ACRBP: variants seen among roughly 807,000 people sequenced by gnomAD.
ACRBP encodes acrosin-binding protein.
ACRBP carries 52 observed loss-of-function variants against 69.0 expected under a neutral mutation model. The ratio of observed to expected loss-of-function variants is 0.75; its 90% CI spans 0.60 to 0.95. The LOEUF (loss-of-function observed/expected upper bound fraction) is 0.95, where lower values mean the gene tolerates loss of function less well. ACRBP is among the 40% of genes least tolerant of loss of function. The pLI, the probability that ACRBP is intolerant of heterozygous loss-of-function variation, is 0.00. For missense variants in ACRBP, 604 were observed against 673.0 expected (o/e 0.90, Z 1.13); for synonymous variants, 267 against 258.9 (o/e 1.03, Z -0.30).
rs1949031304 is a variant in ACRBP at position 6,638,954 on chromosome 12, C to A, written c.1509G>T (p.Lys503Asn). The A allele has an allele frequency of 6.2e-7, 1 of 1,613,910 alleles. No individual in the cohort carries two copies. Residue 503 changes from lysine (K) to asparagine (N), a missense_variant and splice_region_variant, in exon 9 of 10, where the codon AAG (lysine) becomes AAT (asparagine). Transcript: ENST00000229243. ...GGAGGGGCAGGGCAGGGGTGCTCAC[C>A]TTCCGATTGCGGTTTCTCATCAGAC... Reference protein sequence around the residue: ...QQCLMRNRNRKVSRMRCLQNE... With the variant: ...QQCLMRNRNRNVSRMRCLQNE...
At chr12:6,644,679 G>A in intron 4 of ACRBP, 74 bp from the exon 5 acceptor site, 3 of 1,523,440 alleles carry the variant, frequency 2.0e-6, no homozygotes, top group Non-Finnish European at 2.6e-6. Context: ...TTCACAGAGG[G>A]ACACACACAT....
chr12:6,647,261 A>G, intron 1 of ACRBP, 63 bp downstream of exon 1: 11 of 1,502,900 alleles, frequency 7.3e-6, no homozygotes, highest in Non-Finnish European at 9.8e-6. Flanking sequence ...GTAAAAGCAG[A>G]GCTCTCGGGA....
intron 9 of ACRBP, chr12:6,638,740 C>T: frequency 7.0e-7 from 1 of 1,433,824 alleles, no homozygotes; most frequent in East Asian, 2.5e-5. Context: ...TAGGACCCTC[C>T]TCTGTTATCC....
At position 6,640,352 on chromosome 12, in the gene ACRBP, G is replaced by C; in HGVS notation, c.1248C>G (p.Ile416Met). 6.2e-7 allele frequency: 1 copy of C among 1,613,682 alleles called. No homozygotes were observed. Among genetic ancestry groups the C allele is most frequent in the Non-Finnish European group, 8.5e-7 (1 of 1,179,862 alleles). The change falls in exon 7 of 10, where the codon ATC becomes ATG. Residue 416 changes from isoleucine (I) to methionine (M), a missense_variant. Physicochemically the swap from Ile to Met is conservative, Grantham distance 10. Around this residue, in one of 3 missense-constraint regions of ACRBP, gnomAD observed 532 missense variants for 562.9 expected, o/e 0.95. Transcript: ENST00000229243. The surrounding 1 kb of genome is among the most constrained non-coding windows in gnomAD (Gnocchi z 5.3). ...CTGCCGGGCTAGATACCTGGTTGCC[G>C]ATGGACAGGCTCTGGGAGGCAAGCA... ...SPLLASQSLS[I>M]GNQVGSPESG...
chr12:6,641,101 C>G (rs768219615), intron 6 of ACRBP, among the ~76,000 whole-genome samples: 4 of 152,232 alleles, frequency 2.6e-5, no homozygotes, highest in Non-Finnish European at 5.9e-5. Flanking sequence ...ACTTATCTAA[C>G]AGATGGGGAA....
Position 6,647,206 on chromosome 12 carries a change from G to A in ACRBP, c.43+118C>T, listed in dbSNP as rs888572812. On this transcript the variant is annotated intron_variant, in intron 1 of 9. Coordinates refer to ENST00000229243, the MANE Select transcript of ACRBP (RefSeq NM_032489.3). ...GAGATGGGAGTATCCCAGGACCTAG[G>A]GAGCCGACCCAGCGCGACCACCATG... 5.4e-6 allele frequency: 7 copies of A among 1,293,280 alleles called. No homozygotes were observed. The African/African-American group carries it at 1.1e-4, about 20-fold the overall frequency. 80.1% of individuals were successfully genotyped at this position (1,293,280 alleles called of 1,614,324 possible).
Position 6,643,620 on chromosome 12 carries a change from G to A in ACRBP, c.996C>T (p.Ile332=), listed in dbSNP as rs773338294. 34 of 1,614,062 alleles carry A rather than the reference G, an allele frequency of 2.1e-5. No individual in the cohort carries two copies. The highest frequency in any genetic ancestry group is 2.7e-5 in the Non-Finnish European group (32 of 1,180,040). The change falls in exon 6 of 10, where the codon ATC becomes ATT. Residue 332 remains isoleucine (I), a synonymous_variant. Coordinates refer to ENST00000229243, the MANE Select transcript of ACRBP (RefSeq NM_032489.3). ...GGGTTATGATGCAGGTATTCTCCAC[G>A]ATCGAATAGCACAGCACCAGCAAGG... is the stretch of plus-strand genomic sequence containing the variant. The part of the protein sequence containing the change: ...TEALLVLCYS[I]VENTCIITPT...
At chr12:6,645,418 A>T in intron 3 of ACRBP, 81 bp from the exon 4 acceptor site, 1 of 1,072,186 alleles carries the variant, frequency 9.3e-7, no homozygotes, top group Non-Finnish European at 1.4e-6. Flanking sequence ...CCCCTTTTCC[A>T]GCATGTCTTA....
At chr12:6,647,090 T>G in intron 1 of ACRBP, 78 bp from the exon 2 acceptor site, 1 of 1,352,810 alleles carries the variant, frequency 7.4e-7, no homozygotes, top group Non-Finnish European at 1.0e-6. Context: ...AGACCCAGAC[T>G]GGCAAATTAG....
intron 4 of ACRBP, 53 bp from the exon 5 acceptor site, chr12:6,644,658 G>A (rs1181033798): frequency 5.8e-6 from 9 of 1,543,792 alleles, no homozygotes; most frequent in South Asian, 1.3e-5. Context: ...TCTAGCCCCT[G>A]AGTGTCTTTG....
In ACRBP at chr12:6,644,460, C is replaced by G. The variant is rs752397473; in HGVS notation, c.621G>C (p.Pro207=). 6 of 1,613,978 alleles carry G rather than the reference C, an allele frequency of 3.7e-6. No homozygotes were observed. The highest frequency in any genetic ancestry group is 4.2e-6 in the Non-Finnish European group (5 of 1,180,016). Reference sequence around the variant, plus strand: ...CCTCTTCCTGCTTGTGTTCTTGTGTCGGCTCCTGCCTGTGCTCCACTCCTT... The same window carrying G: ...CCTCTTCCTGCTTGTGTTCTTGTGTGGGCTCCTGCCTGTGCTCCACTCCTT... ...QEQGVEHRQE[P]TQEHKQEEGQ... Residue 207 remains proline (P), a synonymous_variant, in exon 5 of 10, where the codon CCG becomes CCC. Transcript: ENST00000229243.
At position 6,645,231 on chromosome 12, in the gene ACRBP, G is replaced by C; in HGVS notation, c.464C>G (p.Pro155Arg). 6.2e-7 allele frequency: 1 copy of C among 1,612,728 alleles called. No individual in the cohort carries two copies. The highest frequency in any genetic ancestry group is 8.5e-7 in the Non-Finnish European group (1 of 1,179,128). ...SPTTMTSPIS[P>R]HFTVTERQTF... The stretch of plus-strand genomic sequence containing the variant: ...TGAGAGGGTCTCACCTGTGAAGTGG[G>C]GTGAGATGGGGGAGGTCATCGTGGT... The change falls in exon 4 of 10, where the codon CCC becomes CGC. Residue 155 changes from proline (P) to arginine (R), a missense_variant. Transcript: ENST00000229243.
intron 6 of ACRBP, among the ~76,000 whole-genome samples, chr12:6,641,409 A>C (rs1302994455): frequency 6.6e-6 from 1 of 152,110 alleles, no homozygotes; most frequent in Non-Finnish European, 1.5e-5. Context: ...CCTGGCCAGA[A>C]ATCTTTATTG....
Position 6,640,318 on chromosome 12 carries a change from C to T in ACRBP, c.1257+25G>A. On this transcript the variant is annotated intron_variant, in intron 7 of 9. Coordinates refer to ENST00000229243, the MANE Select transcript of ACRBP (RefSeq NM_032489.3). This position sits in a 1 kb window ranked among gnomAD's most constrained non-coding sequence, Gnocchi z 5.3. ...CCCTGCCACCCAGTTCTGCCTTTCC[C>T]ACTGCGGGCTGCCGGGCTAGATACC... 6.2e-7 allele frequency: 1 copy of T among 1,613,912 alleles called. No individual in the cohort carries two copies. The highest frequency in any genetic ancestry group is 8.5e-7 in the Non-Finnish European group (1 of 1,179,880).
At chr12:6,643,895 C>T (rs947229315) in intron 5 of ACRBP, among the ~76,000 whole-genome samples, 2 of 152,192 alleles carry the variant, frequency 1.3e-5, no homozygotes, top group African/African-American at 2.4e-5. Flanking sequence ...CTAAACAGGG[C>T]AGAGACAAGA....
In ACRBP at chr12:6,644,305, T is replaced by G. The variant is rs764433687; in HGVS notation, c.776A>C (p.Glu259Ala). Residue 259 changes from glutamate (E) to alanine (A), a missense_variant, in exon 5 of 10, where the codon GAA (glutamate) becomes GCA (alanine). This residue lies in a region of ACRBP where 532 missense variants were observed against 562.9 expected (regional missense o/e 0.95). Coordinates refer to ENST00000229243, the MANE Select transcript of ACRBP (RefSeq NM_032489.3). ...AGAGGAAGGGTTAGAAGATAGAGAT[T>G]CAGAGTGAAACTTGGGCTCTGAGTC... ...QTDSEPKFHS[E>A]SLSSNPSSFA... 12 of 1,614,056 alleles carry G rather than the reference T, an allele frequency of 7.4e-6. No homozygotes were observed. The African/African-American group carries it at 1.6e-4, about 22-fold the overall frequency.
intron 8 of ACRBP, 86 bp from the exon 9 acceptor site, chr12:6,639,123 C>T: frequency 7.8e-7 from 1 of 1,285,858 alleles, no homozygotes; most frequent in Non-Finnish European, 1.1e-6. Flanking sequence ...TAGGGCAGAG[C>T]CAGGGGCAGG....
chr12:6,640,004 T>C lies in ACRBP; in HGVS notation c.1425+56A>G, dbSNP rs1949039589. On this transcript the variant is annotated intron_variant, in intron 8 of 9. Coordinates refer to ENST00000229243, the MANE Select transcript of ACRBP (RefSeq NM_032489.3). This position sits in a 1 kb window ranked among gnomAD's most constrained non-coding sequence, Gnocchi z 5.3. The stretch of plus-strand genomic sequence containing the variant: ...ACTAGCGCTACTCACAGCAAGTAAC[T>C]GGAAGGAATGGGGTGAGGGTAGGGA... 3 of 1,593,400 alleles carry C rather than the reference T, an allele frequency of 1.9e-6. No homozygotes were observed. Among genetic ancestry groups the C allele is most frequent in the African/African-American group, 2.7e-5 (2 of 74,300 alleles).
In ACRBP at chr12:6,638,418, C is replaced by T. The variant is rs763808261; in HGVS notation, c.1510-14G>A. The T allele has an allele frequency of 6.2e-6, 10 of 1,613,818 alleles. No homozygotes were observed. Among genetic ancestry groups the T allele is most frequent in the Non-Finnish European group, 7.6e-6 (9 of 1,179,996 alleles). ...CATGCGGGACACCTACACAGAGATT[C>T]AGTGCAGACGGTCTGTATCACAGAG... On this transcript the variant is annotated splice_polypyrimidine_tract_variant and intron_variant, in intron 9 of 9. Transcript: ENST00000229243.
Sources: gnomAD v4.1 joint callset for allele counts (sites outside exome capture counted in the v4.1 genomes callset) on GRCh38, gnomAD v4.1.1 for gene constraint, gnomAD v4.1.1 regional missense constraint, Gnocchi (gnomAD v3.1) non-coding constraint, MANE v1.5 for transcripts, NCBI Gene and HGNC (gene_info 2026-07-23, HGNC 2026-07-21) for gene names.